Variants in SMC5 observed in about 807,000 individuals in gnomAD.
SMC5 encodes structural maintenance of chromosomes 5.
In SMC5, 88 loss-of-function variants were observed where a neutral mutation model predicts 148.3. The observed-to-expected ratio is 0.59, with a 90% CI of 0.50 to 0.71. SMC5 has a LOEUF of 0.71. Ranked by LOEUF, SMC5 falls within the 30% of genes least tolerant of loss-of-function variation. The pLI, the probability that SMC5 is intolerant of heterozygous loss-of-function variation, is 0.00. For synonymous variants in SMC5, 421 were observed against 432.8 expected (o/e 0.97, Z 0.34); for missense variants, 1,142 against 1,298.9 (o/e 0.88, Z 1.86).
intron 7 of SMC5, 78 bp downstream of exon 7, chr9:70,282,661 A>G: frequency 7.2e-7 from 1 of 1,388,826 alleles, no homozygotes; most frequent in Non-Finnish European, 9.7e-7. Flanking sequence ...GTGTTTGAAA[A>G]TATTTTCAAG....
chr9:70,347,822 C>T (rs541052380), intron 21 of SMC5, 97 bp from the exon 22 acceptor site: 12 of 1,295,278 alleles, frequency 9.3e-6, no homozygotes, highest in Non-Finnish European at 1.3e-5. Context: ...GTGTGTTATG[C>T]CCAGACTGAT....
rs148248593 is a variant in SMC5, at chr9:70,265,635, A to T, written c.327+1190A>T. On this transcript the variant is annotated intron_variant, in intron 2 of 24. Transcript: ENST00000361138. Reference sequence around the variant, plus strand: ...TTTGTTTTTAATAAGCATATCTAAAATAAAGTGCTACAGAAAAGTTGAGAG... The same window carrying T: ...TTTGTTTTTAATAAGCATATCTAAATTAAAGTGCTACAGAAAAGTTGAGAG... Among the ~76,000 whole-genome samples the T allele has an allele frequency of 2.0e-4, 31 of 152,348 alleles. No homozygotes were observed. The East Asian group carries it at 6.0e-3, about 29-fold the overall frequency.
At position 70,286,232 on chromosome 9, in the gene SMC5, C is replaced by A; in HGVS notation, c.1014C>A (p.Cys338Ter). ...ATDIKEASQKCKQKQDVIERK... is the reference protein window; with the variant it reads ...ATDIKEASQK Reference sequence around the variant, plus strand: ...ATATTAAGGAGGCATCTCAAAAATGCAAACAGAAGCAAGATGTTATAGAAA... The same window carrying A: ...ATATTAAGGAGGCATCTCAAAAATGAAAACAGAAGCAAGATGTTATAGAAA... The change falls in exon 8 of 25, where the codon TGC becomes TGA. Residue 338 changes from cysteine (C) to a stop codon, truncating the protein, a stop_gained. Transcript: ENST00000361138. LOFTEE classifies it high-confidence loss of function. The A allele has an allele frequency of 6.4e-7, 1 of 1,567,134 alleles. No homozygotes were observed. Among genetic ancestry groups the A allele is most frequent in the East Asian group, 2.4e-5 (1 of 41,044 alleles).
At chr9:70,280,405 TGTTTAGCTTTC>T (rs2034716986) in intron 5 of SMC5, among the ~76,000 whole-genome samples, 2 of 152,262 alleles carry the variant, frequency 1.3e-5, no homozygotes, top group South Asian at 4.1e-4. Context: ...TTACAGCTTT[TGTTTAGCTTTC>T]ATTTATATTA....
In SMC5 at chr9:70,305,489, T is replaced by G. The variant is rs1021271201; in HGVS notation, c.1578+129T>G. ...AGTTCACTCTCATGCAAAATCACTC[T>G]GTTTTGCTAATTTCTTTCCTATTTA... On this transcript the variant is annotated intron_variant, in intron 11 of 24. Transcript: ENST00000361138. 6 of 582,866 alleles carry G rather than the reference T, an allele frequency of 1.0e-5. No homozygotes were observed. In the African/African-American group the frequency reaches 1.2e-4, roughly 11 times the overall value. 36.1% of individuals were successfully genotyped at this position (582,866 alleles called of 1,614,324 possible).
At chr9:70,280,636 C>T (rs1335016665) in intron 5 of SMC5, 123 bp from the exon 6 acceptor site, 1 of 864,568 alleles carries the variant, frequency 1.2e-6, no homozygotes, top group African/African-American at 1.7e-5. Context: ...CTACATAGTT[C>T]TTAAGAACTC....
chr9:70,259,294 T>A, intron 1 of SMC5, 31 bp downstream of exon 1: 1 of 1,539,118 alleles, frequency 6.5e-7, no homozygotes, highest in Non-Finnish European at 8.8e-7. Context: ...GCCGCGGGTG[T>A]GGAGGTGTGC....
intron 3 of SMC5, among the ~76,000 whole-genome samples, chr9:70,270,080 G>A (rs2034402072): frequency 6.6e-6 from 1 of 152,154 alleles, no homozygotes; most frequent in African/African-American, 2.4e-5. Context: ...TAGTTTAGGG[G>A]CTCAGTCACA....
In SMC5 at chr9:70,286,639, T is replaced by C. The variant is rs144638202; in HGVS notation, c.1053+368T>C. ...TTTGAAAAATCAGTGATGACGCTTA[T>C]GTAGAAAATGCGTATGTACCTTTAT... On this transcript the variant is annotated intron_variant, in intron 8 of 24. Coordinates refer to ENST00000361138, the MANE Select transcript of SMC5 (RefSeq NM_015110.4). 613 of 166,496 alleles carry C rather than the reference T, an allele frequency of 3.7e-3. 8 individuals carry two copies. Among genetic ancestry groups the C allele is most frequent in the African/African-American group, 0.014 (578 of 41,790 alleles). The allele number at this position is 166,496 out of a possible 1,614,324, so 10.3% of individuals were successfully genotyped here.
chr9:70,322,179 A>G (rs1300747489), intron 15 of SMC5, among the ~76,000 whole-genome samples: 2 of 150,760 alleles, frequency 1.3e-5, no homozygotes, highest in Admixed American at 6.6e-5. Context: ...AAAGCAAGAT[A>G]TATCTATTTA....
At chr9:70,288,423 GTCTTTT>G (rs1329761409) in intron 8 of SMC5, among the ~76,000 whole-genome samples, 70 of 152,004 alleles carry the variant, frequency 4.6e-4, no homozygotes, top group Non-Finnish European at 4.7e-4. Context: ...CACTTTGTAA[GTCTTTT>G]CAACTAATTT....
At chr9:70,299,290 T>A (rs2035291582) in intron 9 of SMC5, among the ~76,000 whole-genome samples, 1 of 152,102 alleles carries the variant, frequency 6.6e-6, no homozygotes, top group Admixed American at 6.5e-5. Context: ...GCATTATAAT[T>A]AAATTTCACT....
chr9:70,276,263 G>A (rs1037498857), intron 3 of SMC5, among the ~76,000 whole-genome samples: 1 of 152,072 alleles, frequency 6.6e-6, no homozygotes, highest in African/African-American at 2.4e-5. Context: ...GTCTGTTTTT[G>A]TCCTTTACCA....
intron 3 of SMC5, among the ~76,000 whole-genome samples, chr9:70,274,372 C>A (rs1299791106): frequency 6.6e-6 from 1 of 152,160 alleles, no homozygotes; most frequent in Non-Finnish European, 1.5e-5. Context: ...TGAGCCACTG[C>A]GCCCGGCCGT....
Position 70,295,485 on chromosome 9 carries a change from A to G in SMC5, c.1054-2481A>G, listed in dbSNP as rs529379894. ...GACCCTGTCTCAAAAAAAAAAAAAA[A>G]AAGAAGAAGAGGGAACATTCAGAGA... is the stretch of plus-strand genomic sequence containing the variant. On this transcript the variant is annotated intron_variant, in intron 8 of 24. Transcript: ENST00000361138. Among the ~76,000 whole-genome samples the G allele has an allele frequency of 3.2e-3, 484 of 151,342 alleles. 2 individuals are homozygous for G. Among genetic ancestry groups the G allele is most frequent in the African/African-American group, 9.5e-3 (390 of 41,234 alleles).
intron 17 of SMC5, among the ~76,000 whole-genome samples, chr9:70,343,825 AT>A (rs1285487202): frequency 3.3e-5 from 5 of 152,240 alleles, no homozygotes; most frequent in Non-Finnish European, 4.4e-5. Context: ...TCTCAAAAAA[AT>A]AAATAAATAA....
chr9:70,286,589 T>G (rs904328925), intron 8 of SMC5, among the ~76,000 whole-genome samples: 1 of 152,312 alleles, frequency 6.6e-6, no homozygotes, highest in Non-Finnish European at 1.5e-5. Flanking sequence ...TGTTGTTGTT[T>G]AAAACACAGA....
intron 17 of SMC5, among the ~76,000 whole-genome samples, chr9:70,336,498 G>C (rs1459532567): frequency 6.6e-6 from 1 of 152,172 alleles, no homozygotes; most frequent in Non-Finnish European, 1.5e-5. Context: ...AGAATGAATA[G>C]CAATAGTATT....
intron 22 of SMC5, among the ~76,000 whole-genome samples, chr9:70,348,970 A>G (rs1457094483): frequency 6.6e-6 from 1 of 152,202 alleles, no homozygotes; most frequent in Non-Finnish European, 1.5e-5. Flanking sequence ...TGAAAATTAC[A>G]TATGTGGGTT....
Sources: allele counts gnomAD v4.1 joint callset (sites outside exome capture counted in the v4.1 genomes callset), GRCh38; gene constraint gnomAD v4.1.1; transcripts MANE v1.5; gene names NCBI Gene and HGNC (gene_info 2026-07-23, HGNC 2026-07-21).